RBFOX1: variants seen among roughly 807,000 people sequenced by gnomAD.
RBFOX1 encodes RNA binding protein fox-1 homolog 1.
RBFOX1 carries 8 observed loss-of-function variants against 57.7 expected under a neutral mutation model. The ratio of observed to expected loss-of-function variants is 0.14; its 90% confidence interval spans 0.08 to 0.25. The LOEUF (loss-of-function observed/expected upper bound fraction) is 0.25. Among genes scored for constraint, RBFOX1 ranks in the 10% least tolerant of loss-of-function variants. The pLI is 1.00. For synonymous variants in RBFOX1, 326 were observed against 222.4 expected (o/e 1.47, Z -4.15); for missense variants, 611 against 548.5 (o/e 1.11, Z -1.14).
intron 2 of RBFOX1, among the ~76,000 whole-genome samples, chr16:6,614,060 A>C (rs1247107585): frequency 2.8e-4 from 42 of 152,230 alleles, no homozygotes. Context: ...TTCCCTTTCT[A>C]CATTGTAAGT....
At chr16:5,881,151 C>T (rs868595775) in intron 4 of RBFOX1, among the ~76,000 whole-genome samples, 2 of 152,158 alleles carry the variant, frequency 1.3e-5, no homozygotes, top group African/African-American at 2.4e-5. Context: ...TCTAGGAACC[C>T]CTGTAGAATC....
intron 5 of RBFOX1, among the ~76,000 whole-genome samples, chr16:7,521,606 C>G (rs1466041814): frequency 2.0e-5 from 3 of 152,200 alleles, no homozygotes; most frequent in Non-Finnish European, 4.4e-5. Context: ...CAGACAAGCT[C>G]TCTTTCCTTG....
rs183730588 is a variant in RBFOX1 at position 5,565,446 on chromosome 16, A to G, written c.259-33456A>G. ...TTCAAAAGCAGCCTGACCAACATAG[A>G]GAAAGCCTGTGTCTACTAAAAATAC... On this transcript the variant is annotated intron_variant, in intron 2 of 2. Transcript: ENST00000585867. Among the ~76,000 whole-genome samples, 5 of 152,038 alleles carry G rather than the reference A, an allele frequency of 3.3e-5. No individual in the cohort carries two copies. In the East Asian group the frequency reaches 9.7e-4, roughly 30 times the overall value.
intron 4 of RBFOX1, among the ~76,000 whole-genome samples, chr16:7,500,146 C>T (rs190535202): frequency 5.2e-4 from 79 of 152,278 alleles, no homozygotes; most frequent in African/African-American, 1.9e-3. Flanking sequence ...TATTTATGCA[C>T]TGCTTAATCA....
chr16:6,542,791 C>T (rs2096841846), intron 2 of RBFOX1, among the ~76,000 whole-genome samples: 1 of 151,982 alleles, frequency 6.6e-6, no homozygotes, highest in Admixed American at 6.6e-5. Context: ...TGCGCCCGGC[C>T]GGGACCACAG....
At chr16:7,471,965 G>A (rs890861160) in intron 4 of RBFOX1, among the ~76,000 whole-genome samples, 4 of 152,150 alleles carry the variant, frequency 2.6e-5, no homozygotes, top group African/African-American at 9.7e-5. Flanking sequence ...CAAAAAAGGT[G>A]CTTGGGACTG....
At chr16:6,382,361 A>C (rs932010077) in intron 2 of RBFOX1, among the ~76,000 whole-genome samples, 3 of 152,176 alleles carry the variant, frequency 2.0e-5, no homozygotes, top group African/African-American at 7.2e-5. Context: ...AAGGTGTGTA[A>C]GTTGTGTTTT....
intron 2 of RBFOX1, among the ~76,000 whole-genome samples, chr16:6,562,870 T>TTCTTTCTTTCTC (rs1459137937): frequency 1.5e-5 from 1 of 64,784 alleles, no homozygotes; most frequent in African/African-American, 9.4e-5. Flanking sequence ...CTTTCTTTCT[T>TTCTTTCTTTCTC]TCTTTCTTTC....
chr16:6,908,509 A>G (rs1035072329), intron 3 of RBFOX1, among the ~76,000 whole-genome samples: 6 of 152,124 alleles, frequency 3.9e-5, no homozygotes, highest in Admixed American at 3.3e-4. Flanking sequence ...TCCGGGTTAT[A>G]GCTGACAACT....
At chr16:6,957,925 C>G (rs549520521) in intron 3 of RBFOX1, among the ~76,000 whole-genome samples, 1 of 152,132 alleles carries the variant, frequency 6.6e-6, no homozygotes, top group Non-Finnish European at 1.5e-5. Context: ...CATCTGTGAC[C>G]TAGCCCGAGA....
At chr16:5,851,968 C>T (rs990459641) in intron 3 of RBFOX1, among the ~76,000 whole-genome samples, 9 of 152,222 alleles carry the variant, frequency 5.9e-5, no homozygotes, top group South Asian at 2.1e-4. Context: ...CCACCACTTA[C>T]GAGCCATATG....
At chr16:6,028,164 T>C (rs146725926) in intron 1 of RBFOX1, among the ~76,000 whole-genome samples, 52 of 152,304 alleles carry the variant, frequency 3.4e-4, no homozygotes, top group African/African-American at 1.2e-3. Flanking sequence ...TGGCTCACTT[T>C]TACCACGTTG....
chr16:6,605,912 C>G (rs1276124876), intron 2 of RBFOX1, among the ~76,000 whole-genome samples: 1 of 151,960 alleles, frequency 6.6e-6, no homozygotes, highest in Non-Finnish European at 1.5e-5. Context: ...CCAGCCTGGC[C>G]AACATGGTGA....
chr16:6,660,831 A>G (rs751334737), intron 3 of RBFOX1, among the ~76,000 whole-genome samples: 2 of 152,162 alleles, frequency 1.3e-5, no homozygotes, highest in African/African-American at 2.4e-5. Context: ...TATTTTATCA[A>G]ATGAGGCCCT....
At chr16:6,615,377 C>T (rs1325320617) in intron 2 of RBFOX1, among the ~76,000 whole-genome samples, 1 of 152,128 alleles carries the variant, frequency 6.6e-6, no homozygotes, top group African/African-American at 2.4e-5. Flanking sequence ...GGAGACCAGC[C>T]TGGCCAACAT....
chr16:5,243,625 T>C (rs2062224179), intron 1 of RBFOX1, among the ~76,000 whole-genome samples: 1 of 152,092 alleles, frequency 6.6e-6, no homozygotes, highest in Non-Finnish European at 1.5e-5. Context: ...TCAAATGCCA[T>C]GGAGCAAGGG....
At chr16:7,256,541 A>G (rs1024846707) in intron 4 of RBFOX1, among the ~76,000 whole-genome samples, 2 of 151,956 alleles carry the variant, frequency 1.3e-5, no homozygotes, top group Admixed American at 1.3e-4. Flanking sequence ...TTTTAATACC[A>G]CACATACACT....
At chr16:5,335,295 A>T (rs2064867591) in intron 1 of RBFOX1, among the ~76,000 whole-genome samples, 1 of 152,158 alleles carries the variant, frequency 6.6e-6, no homozygotes, top group Admixed American at 6.6e-5. Flanking sequence ...GAGTTTATTG[A>T]AAGGGTTGGA....
At chr16:6,697,270 A>C (rs1263775171) in intron 3 of RBFOX1, among the ~76,000 whole-genome samples, 1 of 152,092 alleles carries the variant, frequency 6.6e-6, no homozygotes, top group Non-Finnish European at 1.5e-5. Flanking sequence ...TCTGCATCTT[A>C]AGTCCTTTTC....
Sources: gnomAD v4.1 joint callset for allele counts (sites outside exome capture counted in the v4.1 genomes callset) on GRCh38, gnomAD v4.1.1 for gene constraint, MANE v1.5 for transcripts, NCBI Gene and HGNC (gene_info 2026-07-23, HGNC 2026-07-21) for gene names.